EHD1: variants seen among roughly 807,000 people sequenced by gnomAD.
EHD1 encodes the protein EH domain containing 1.
Under a neutral mutation model 39.0 loss-of-function variants are expected in EHD1, and 19 were observed. That is an observed-to-expected ratio of 0.49 (90% confidence interval 0.34 to 0.72). The LOEUF (loss-of-function observed/expected upper bound fraction) is 0.72. Among genes scored for constraint, EHD1 ranks in the 30% least tolerant of loss-of-function variants. EHD1 has a pLI of 0.01. For synonymous variants in EHD1, 323 were observed against 331.2 expected (o/e 0.98, Z 0.27); for missense variants, 542 against 751.5 (o/e 0.72, Z 3.26).
At position 64,854,843 on chromosome 11, in the gene EHD1, G is replaced by A; in HGVS notation, c.1095C>T (p.Thr365=). Residue 365 remains threonine, a synonymous_variant, in exon 5 of 5, where the codon ACC becomes ACT. Coordinates refer to ENST00000320631, the MANE Select transcript of EHD1 (RefSeq NM_006795.4). ...SLRKMQELLQ[T]QDFSKFQALK... Reference sequence around the variant, plus strand: ...GCGCCTGGAACTTGCTGAAGTCCTGGGTCTGCAGGAGTTCCTGTGGGCGGG... The same window carrying A: ...GCGCCTGGAACTTGCTGAAGTCCTGAGTCTGCAGGAGTTCCTGTGGGCGGG... 1 of 1,598,768 alleles carries A rather than the reference G, an allele frequency of 6.3e-7. No individual in the cohort carries two copies. The highest frequency in any genetic ancestry group is 8.5e-7 in the Non-Finnish European group (1 of 1,179,028).
chr11:64,877,021 GGGCGGGGACCTGGAA>G (rs1226155067), intron 1 of EHD1, among the ~76,000 whole-genome samples: 8 of 152,256 alleles, frequency 5.3e-5, no homozygotes, highest in Non-Finnish European at 1.2e-4. Context: ...TGACCGTGCA[GGGCGGGGACCTGGAA>G]GGCAGGATTC....
At chr11:64,855,285 G>A (rs547465686) in intron 4 of EHD1, 37 bp downstream of exon 4, 3 of 1,605,428 alleles carry the variant, frequency 1.9e-6, no homozygotes, top group Non-Finnish European at 2.5e-6. Context: ...CTGCCCTGAT[G>A]GCCACCAGCC....
intron 2 of EHD1, 79 bp from the exon 3 acceptor site, chr11:64,860,415 G>A: frequency 6.7e-7 from 1 of 1,502,802 alleles, no homozygotes. Flanking sequence ...ACCTGGCCTG[G>A]TATTTCTCAG....
Position 64,871,349 on chromosome 11 carries a change from C to A in EHD1, c.502+3072G>T, listed in dbSNP as rs1943828601. ...ACGCACTGCTCCACTCCGACCTCCT[C>A]CGCTGGACAGGCCACACGGGCCTTT... On this transcript the variant is annotated intron_variant, in intron 2 of 4. Coordinates refer to ENST00000320631, the MANE Select transcript of EHD1 (RefSeq NM_006795.4). Among the ~76,000 whole-genome samples the A allele has an allele frequency of 2.0e-5, 3 of 152,198 alleles. No individual in the cohort carries two copies. The South Asian group carries it at 6.2e-4, about 31-fold the overall frequency.
At chr11:64,869,778 G>A (rs139687544) in intron 2 of EHD1, among the ~76,000 whole-genome samples, 1 of 152,316 alleles carries the variant, frequency 6.6e-6, no homozygotes, top group African/African-American at 2.4e-5. Context: ...GCAGCCCCTG[G>A]GAGCATTTGA....
rs1383376273 is a variant in EHD1 at position 64,877,820 on chromosome 11, G to GT, written c.404+240dup. ...CTGGGATCTGCAGGAGGGCTTGGTG[G>GT]TTACCCTGGAAGATTCTGGGGAGGA... On this transcript the variant is annotated intron_variant, in intron 1 of 4. Coordinates refer to ENST00000320631, the MANE Select transcript of EHD1 (RefSeq NM_006795.4). The GT allele has an allele frequency of 1.5e-4, 61 of 398,304 alleles. No homozygotes were observed. In the East Asian group the frequency reaches 2.2e-3, roughly 14 times the overall value. The allele number at this position is 398,304 out of a possible 1,614,324, so 24.7% of individuals were successfully genotyped here. A position where few individuals can be genotyped will look rare whatever the true frequency, so the allele number is the denominator to read the frequency against.
upstream of EHD1, chr11:64,878,760 T>G: frequency 2.3e-6 from 3 of 1,278,364 alleles, no homozygotes; most frequent in Non-Finnish European, 3.0e-6. Flanking sequence ...TGGTGCCACG[T>G]CTTCCCCTAC....
intron 2 of EHD1, among the ~76,000 whole-genome samples, chr11:64,866,325 T>G (rs1943766342): frequency 6.6e-6 from 1 of 152,060 alleles, no homozygotes; most frequent in African/African-American, 2.4e-5. Context: ...GTGTGAAACA[T>G]TGAGTACACA....
chr11:64,878,773 CG>C, upstream of EHD1: 1 of 1,266,238 alleles, frequency 7.9e-7, no homozygotes, highest in Non-Finnish European at 9.9e-7. Flanking sequence ...TCCCCTACCC[CG>C]CCCCCATTGG....
At chr11:64,877,895 T>A (rs1943902203) in intron 1 of EHD1, 166 bp downstream of exon 1, 1 of 632,064 alleles carries the variant, frequency 1.6e-6, no homozygotes, top group Non-Finnish European at 2.4e-6. Flanking sequence ...CCAGTGGGTT[T>A]ACTCTGGGAA....
chr11:64,862,405 C>T (rs1181177392), intron 2 of EHD1, among the ~76,000 whole-genome samples: 13 of 152,198 alleles, frequency 8.5e-5, no homozygotes, highest in Non-Finnish European at 1.8e-4. Context: ...CCTCCTTCAG[C>T]AGAATGAACA....
chr11:64,865,565 G>C (rs56952504), intron 2 of EHD1, among the ~76,000 whole-genome samples: 2,219 of 152,316 alleles, frequency 0.015, 48 homozygotes, highest in African/African-American at 0.05. Flanking sequence ...GGGCTGGAGA[G>C]AAAGGCCCAC....
intron 2 of EHD1, among the ~76,000 whole-genome samples, chr11:64,873,425 G>A (rs1943850845): frequency 6.6e-6 from 1 of 152,178 alleles, no homozygotes. Flanking sequence ...AATAAGCTCT[G>A]GGGACCAGGG....
Position 64,860,172 on chromosome 11 carries a change from G to A in EHD1, c.667C>T (p.Gln223Ter). Reference protein sequence around the residue: ...KIRVVLNKADQIETQQLMRVY... With the variant: ...KIRVVLNKAD ...CGCATCAGCTGCTGCGTCTCGATCT[G>A]GTCTGCCTTGTTCAGCACCACGCGG... Residue 223 changes from glutamine to a stop codon, truncating the protein, a stop_gained, in exon 3 of 5, where the codon CAG becomes TAG. Transcript: ENST00000320631. LOFTEE classifies it high-confidence loss of function. The A allele has an allele frequency of 3.1e-6, 5 of 1,614,158 alleles. No homozygotes were observed. The highest frequency in any genetic ancestry group is 4.2e-6 in the Non-Finnish European group (5 of 1,180,028).
upstream of EHD1, chr11:64,879,654 C>A: frequency 1.3e-6 from 2 of 1,550,988 alleles, no homozygotes; most frequent in Middle Eastern, 1.7e-4. Context: ...CCGCCATCCT[C>A]CCCGGCCACA....
At chr11:64,855,779 A>C in intron 3 of EHD1, 2 of 416,064 alleles carry the variant, frequency 4.8e-6, no homozygotes, top group Non-Finnish European at 8.8e-6. Flanking sequence ...GTGATGATTC[A>C]GGAAGAGTAA....
chr11:64,863,293 G>A (rs1481368608), intron 2 of EHD1, among the ~76,000 whole-genome samples: 1 of 152,232 alleles, frequency 6.6e-6, no homozygotes, highest in Non-Finnish European at 1.5e-5. Context: ...CCAAGCTGGG[G>A]ATGGAGATGG....
At chr11:64,878,682 G>A, upstream of EHD1, 1 of 1,344,120 alleles carries the variant, frequency 7.4e-7, no homozygotes, top group Non-Finnish European at 9.5e-7. Flanking sequence ...GGCTAGCGCC[G>A]CCGCGGCGGG....
chr11:64,875,112 G>A (rs369148149), intron 1 of EHD1, among the ~76,000 whole-genome samples: 1 of 152,226 alleles, frequency 6.6e-6, no homozygotes, highest in Non-Finnish European at 1.5e-5. Context: ...GAACAAAGCC[G>A]TGGAGAGGCT....
Sources: allele counts gnomAD v4.1 joint callset (sites outside exome capture counted in the v4.1 genomes callset), GRCh38; gene constraint gnomAD v4.1.1; transcripts MANE v1.5; gene names NCBI Gene and HGNC (gene_info 2026-07-23, HGNC 2026-07-21).